NBEA: variants seen among roughly 807,000 people sequenced by gnomAD.
NBEA encodes the protein lysosomal-trafficking regulator 2.
A neutral mutation model predicts 343.4 loss-of-function variants in NBEA; 44 were observed. That is an observed-to-expected ratio of 0.13 (90% CI 0.10 to 0.16). The LOEUF is 0.16. Ranked by LOEUF, NBEA falls within the 10% of genes least tolerant of loss-of-function variation. The pLI, the probability that NBEA is intolerant of heterozygous loss-of-function variation, is 1.00. For missense variants in NBEA, 2,555 were observed against 3,631.3 expected, an observed-to-expected ratio of 0.70 and a Z score of 7.62; for synonymous variants, 1,175 against 1,238.7, an observed-to-expected ratio of 0.95 and a Z score of 1.08.
At chr13:35,451,424 C>T (rs1233372388) in intron 39 of NBEA, among the ~76,000 whole-genome samples, 1 of 152,158 alleles carries the variant, frequency 6.6e-6, no homozygotes, top group South Asian at 2.1e-4. Flanking sequence ...GCCCAACCAG[C>T]TTTTTGTGTT....
At chr13:34,945,646 T>G (rs1005123502) in intron 1 of NBEA, among the ~76,000 whole-genome samples, 2 of 152,086 alleles carry the variant, frequency 1.3e-5, no homozygotes, top group African/African-American at 4.8e-5. Context: ...TACTGTGCCC[T>G]GAATGACAGA....
At chr13:35,366,273 T>C (rs954198391) in intron 38 of NBEA, among the ~76,000 whole-genome samples, 1 of 151,462 alleles carries the variant, frequency 6.6e-6, no homozygotes, top group African/African-American at 2.4e-5. Flanking sequence ...GGAATAAATA[T>C]AAGCCAGTAA....
At chr13:35,662,770 A>AT (rs554513761) in intron 55 of NBEA, among the ~76,000 whole-genome samples, 30 of 152,014 alleles carry the variant, frequency 2.0e-4, no homozygotes, top group African/African-American at 1.2e-4. Context: ...ATTTTTATAC[A>AT]TTTTTTTTCT....
intron 45 of NBEA, among the ~76,000 whole-genome samples, chr13:35,578,037 A>T (rs2080831222): frequency 6.6e-6 from 1 of 152,214 alleles, no homozygotes; most frequent in African/African-American, 2.4e-5. Context: ...TCTTCTAAGG[A>T]TTTTCAAGCC....
chr13:35,182,527 A>G lies in NBEA; in HGVS notation c.4830A>G (p.Thr1610=). The change falls in exon 29 of 59, where the codon ACA becomes ACG. Residue 1610 remains threonine, a splice_region_variant and synonymous_variant. Transcript: ENST00000379939. ...AAGAAATAAATTCACCAACAAGTAC[A>G]GGTACTTAACATTGTATAATTATTT... ...IRQEINSPTS[T]VVVIPSIPHP... is the part of the protein sequence containing the mutation. The G allele has an allele frequency of 6.2e-7, 1 of 1,606,770 alleles. No homozygotes were observed. Among genetic ancestry groups the G allele is most frequent in the Non-Finnish European group, 8.5e-7 (1 of 1,175,730 alleles).
chr13:35,561,279 A>G (rs2079844269), intron 44 of NBEA, among the ~76,000 whole-genome samples: 1 of 152,070 alleles, frequency 6.6e-6, no homozygotes, highest in African/African-American at 2.4e-5. Flanking sequence ...GGATGTTGTG[A>G]TCTATTATGT....
At chr13:35,475,184 A>C (rs754543999) in intron 41 of NBEA, 1 of 1,614,054 alleles carries the variant, frequency 6.2e-7, no homozygotes, top group Non-Finnish European at 8.5e-7. Flanking sequence ...GGTAGAAAGT[A>C]GTGGGGACAC....
At chr13:35,072,687 A>C (rs1271207019) in intron 10 of NBEA, among the ~76,000 whole-genome samples, 1 of 152,018 alleles carries the variant, frequency 6.6e-6, no homozygotes, top group Non-Finnish European at 1.5e-5. Flanking sequence ...TAAGCCTCCC[A>C]AGCAGCTGGG....
At chr13:35,530,681 A>G (rs1304545984) in intron 41 of NBEA, among the ~76,000 whole-genome samples, 1 of 152,234 alleles carries the variant, frequency 6.6e-6, no homozygotes, top group South Asian at 2.1e-4. Flanking sequence ...TGAGGGCTTA[A>G]AAGAAACAAT....
chr13:35,308,474 G>GTATATA (rs1174970072), intron 35 of NBEA, among the ~76,000 whole-genome samples: 2 of 66,374 alleles, frequency 3.0e-5, no homozygotes, highest in African/African-American at 1.3e-4. Flanking sequence ...ATATATATAT[G>GTATATA]TATATATATA....
chr13:35,556,876 T>C (rs555164444), intron 44 of NBEA, among the ~76,000 whole-genome samples: 6 of 152,310 alleles, frequency 3.9e-5, no homozygotes, highest in African/African-American at 1.4e-4. Flanking sequence ...ATGCAGTATA[T>C]TATTTTCAGC....
intron 37 of NBEA, among the ~76,000 whole-genome samples, chr13:35,351,201 A>G (rs1037887259): frequency 6.6e-6 from 1 of 152,064 alleles, no homozygotes; most frequent in African/African-American, 2.4e-5. Context: ...AGATTTTTGC[A>G]TAGTAATGAT....
chr13:35,646,200 G>A (rs940802915), intron 50 of NBEA, 59 bp from the exon 51 acceptor site: 3 of 1,292,504 alleles, frequency 2.3e-6, no homozygotes, highest in African/African-American at 2.9e-5. Flanking sequence ...GTCAAAGAGT[G>A]TGTTGGCCTC....
chr13:35,494,417 CT>C (rs2076603656), intron 41 of NBEA, among the ~76,000 whole-genome samples: 1 of 151,948 alleles, frequency 6.6e-6, no homozygotes, highest in Non-Finnish European at 1.5e-5. Context: ...AATCTGTAGT[CT>C]GATAAATTAA....
chr13:34,998,452 C>T (rs1259437260), intron 1 of NBEA, among the ~76,000 whole-genome samples: 2 of 152,116 alleles, frequency 1.3e-5, no homozygotes, highest in Non-Finnish European at 2.9e-5. Context: ...CCTAATAAGC[C>T]TGGGAGTGCT....
chr13:35,042,065 A>G (rs2062672971), intron 2 of NBEA, among the ~76,000 whole-genome samples: 1 of 151,932 alleles, frequency 6.6e-6, no homozygotes, highest in Non-Finnish European at 1.5e-5. Flanking sequence ...TGGCTTATGC[A>G]TTTCATTATT....
intron 34 of NBEA, among the ~76,000 whole-genome samples, chr13:35,264,086 A>G (rs1042788448): frequency 3.3e-5 from 5 of 151,938 alleles, no homozygotes; most frequent in South Asian, 2.1e-4. Context: ...ATTACAACTG[A>G]TAACACAGAA....
At position 34,955,442 on chromosome 13, in the gene NBEA, C is replaced by T. The variant is rs554095900; in HGVS notation, c.294+12328C>T. Among the ~76,000 whole-genome samples the T allele has an allele frequency of 1.3e-4, 20 of 152,146 alleles. No homozygotes were observed. In the South Asian group the frequency reaches 3.5e-3, roughly 27 times the overall value. ...ATATTGTAGAGATAGAAACAAAGTG[C>T]TGTGGGAACATTAATGGAGCTCCTA... On this transcript the variant is annotated intron_variant, in intron 1 of 58. Coordinates refer to ENST00000379939, the MANE Select transcript of NBEA (RefSeq NM_001385012.1).
intron 49 of NBEA, among the ~76,000 whole-genome samples, chr13:35,636,856 C>A (rs2083713843): frequency 6.6e-6 from 1 of 152,198 alleles, no homozygotes; most frequent in South Asian, 2.1e-4. Context: ...ATCTTCGCTT[C>A]CAGGTAGGCG....
Sources: allele counts gnomAD v4.1 joint callset (sites outside exome capture counted in the v4.1 genomes callset), GRCh38; gene constraint gnomAD v4.1.1; transcripts MANE v1.5; gene names NCBI Gene and HGNC (gene_info 2026-07-23, HGNC 2026-07-21).